The following DEPTOR variants were observed in gnomAD, a reference collection of about 807,000 sequenced individuals.
DEPTOR encodes DEP domain-containing mTOR-interacting protein.
DEPTOR carries 41 observed loss-of-function variants against 41.6 expected under a neutral mutation model. That is an observed-to-expected ratio of 0.98 (90% CI 0.77 to 1.28). The LOEUF is 1.28. Ranked by LOEUF, DEPTOR falls within the 50% of genes most tolerant of loss-of-function variation. DEPTOR has a pLI of 0.00. For missense variants in DEPTOR, 514 were observed against 527.9 expected, an observed-to-expected ratio of 0.97 and a Z score of 0.26; for synonymous variants, 195 against 192.3, an observed-to-expected ratio of 1.01 and a Z score of -0.12.
intron 4 of DEPTOR, among the ~76,000 whole-genome samples, chr8:119,968,408 G>A (rs1273576583): frequency 6.6e-6 from 1 of 151,828 alleles, no homozygotes; most frequent in Admixed American, 6.6e-5. Context: ...CCACTTCCCA[G>A]GTTCAAGGGA....
chr8:119,967,429 T>C (rs1268092018), intron 4 of DEPTOR, among the ~76,000 whole-genome samples: 1 of 151,720 alleles, frequency 6.6e-6, no homozygotes, highest in Non-Finnish European at 1.5e-5. Context: ...GTCAGATAAT[T>C]TCTTTATGGC....
intron 4 of DEPTOR, among the ~76,000 whole-genome samples, chr8:119,985,393 C>T (rs1040022686): frequency 2.6e-5 from 4 of 151,966 alleles, no homozygotes; most frequent in Non-Finnish European, 5.9e-5. Flanking sequence ...ACCTACTTTT[C>T]AATGGGATTG....
intron 4 of DEPTOR, among the ~76,000 whole-genome samples, chr8:119,993,237 C>T (rs1030316015): frequency 2.0e-5 from 3 of 152,138 alleles, no homozygotes; most frequent in East Asian, 1.9e-4. Flanking sequence ...TTAAACCTAA[C>T]GGTGTATAGG....
intron 8 of DEPTOR, among the ~76,000 whole-genome samples, chr8:120,025,951 G>A (rs1483208666): frequency 6.6e-6 from 1 of 150,872 alleles, no homozygotes; most frequent in Non-Finnish European, 1.5e-5. Context: ...TTTAGCTCCT[G>A]AAACCAGTGG....
At chr8:120,046,902 C>T (rs1481152839) in intron 8 of DEPTOR, among the ~76,000 whole-genome samples, 1 of 152,162 alleles carries the variant, frequency 6.6e-6, no homozygotes, top group Non-Finnish European at 1.5e-5. Context: ...AGGACTGTGG[C>T]AAATGAGTGT....
intron 1 of DEPTOR, among the ~76,000 whole-genome samples, chr8:119,914,723 A>G (rs769291457): frequency 4.6e-5 from 7 of 152,232 alleles, no homozygotes; most frequent in Non-Finnish European, 7.3e-5. Context: ...GACAGGCGTG[A>G]GCTTGCCAAT....
intron 1 of DEPTOR, among the ~76,000 whole-genome samples, chr8:119,918,724 G>T (rs973025100): frequency 2.0e-5 from 3 of 152,134 alleles, no homozygotes; most frequent in Admixed American, 2.0e-4. Flanking sequence ...CTCCCAAAGT[G>T]CTGGGATTAT....
chr8:119,902,215 G>A (rs191574478), intron 1 of DEPTOR, among the ~76,000 whole-genome samples: 26 of 152,054 alleles, frequency 1.7e-4, no homozygotes, highest in African/African-American at 5.5e-4. Context: ...TACAAAGATG[G>A]GTATACAATA....
chr8:119,889,630 G>A (rs1586600022), intron 1 of DEPTOR, among the ~76,000 whole-genome samples: 1 of 54,622 alleles, frequency 1.8e-5, no homozygotes. Flanking sequence ...GGGAGGGAAG[G>A]GAAGGGGAGG....
chr8:119,999,728 C>A (rs1812319915), intron 4 of DEPTOR, among the ~76,000 whole-genome samples: 1 of 152,178 alleles, frequency 6.6e-6, no homozygotes, highest in Non-Finnish European at 1.5e-5. Context: ...ACATAAATGG[C>A]AACAGATAGT....
At chr8:120,020,163 C>A (rs1252198642) in intron 8 of DEPTOR, among the ~76,000 whole-genome samples, 2 of 152,198 alleles carry the variant, frequency 1.3e-5, no homozygotes, top group Admixed American at 1.3e-4. Context: ...TCTTGGCTCA[C>A]TGCAACCTCT....
At chr8:119,991,687 A>C (rs1040103671) in intron 4 of DEPTOR, among the ~76,000 whole-genome samples, 1 of 152,148 alleles carries the variant, frequency 6.6e-6, no homozygotes, top group South Asian at 2.1e-4. Flanking sequence ...TGAGAACACG[A>C]GGTATTTGGT....
At chr8:119,971,840 T>A (rs1828637805) in intron 4 of DEPTOR, among the ~76,000 whole-genome samples, 1 of 152,184 alleles carries the variant, frequency 6.6e-6, no homozygotes, top group South Asian at 2.1e-4. Context: ...ATAGGTATAC[T>A]CTGCTTGCTC....
chr8:119,936,914 C>G lies in DEPTOR; in HGVS notation c.425+6976C>G, dbSNP rs192538252. Among the ~76,000 whole-genome samples the G allele has an allele frequency of 7.1e-3, 1,083 of 152,190 alleles. 11 individuals are homozygous for G. Among genetic ancestry groups the G allele is most frequent in the African/African-American group, 0.024 (995 of 41,524 alleles). On this transcript the variant is annotated intron_variant, in intron 3 of 8. Coordinates refer to ENST00000286234, the MANE Select transcript of DEPTOR (RefSeq NM_022783.4). ...TGGTGGGCACCTGTAGTCCCAGCTA[C>G]TTGGGAGGCTGGGGTGGGAGAATTG...
chr8:119,883,967 A>G (rs1234209786), intron 1 of DEPTOR, among the ~76,000 whole-genome samples: 2 of 152,246 alleles, frequency 1.3e-5, no homozygotes, highest in Admixed American at 6.5e-5. Flanking sequence ...CAGTACGCTC[A>G]GTAGCTACTC....
chr8:119,918,199 A>T (rs963958191), intron 1 of DEPTOR, among the ~76,000 whole-genome samples: 1 of 151,874 alleles, frequency 6.6e-6, no homozygotes, highest in Non-Finnish European at 1.5e-5. Flanking sequence ...TTTCTTTTCC[A>T]AGTCTCTCGT....
chr8:120,018,692 A>C (rs893568377), intron 8 of DEPTOR, among the ~76,000 whole-genome samples: 1 of 152,180 alleles, frequency 6.6e-6, no homozygotes, highest in Non-Finnish European at 1.5e-5. Flanking sequence ...GTAGCTTCTC[A>C]GTTAACAGAA....
In DEPTOR at chr8:120,008,443, C is replaced by T. The variant is rs185196140; in HGVS notation, c.997-586C>T. On this transcript the variant is annotated intron_variant, in intron 7 of 8. Coordinates refer to ENST00000286234, the MANE Select transcript of DEPTOR (RefSeq NM_022783.4). ...ACTCAGGAGGCTGAGGCAGGAGAAT[C>T]GCTTGAACCCGGGAGGTGGGGTTGC... is the stretch of plus-strand genomic sequence containing the variant. Among the ~76,000 whole-genome samples, 439 of 147,836 alleles carry T rather than the reference C, an allele frequency of 3.0e-3. 3 individuals are homozygous for T. The highest frequency in any genetic ancestry group is 0.01 in the African/African-American group (421 of 40,422).
rs530762373 is a variant in DEPTOR, at chr8:119,892,341, C to T, written c.122+18373C>T. On this transcript the variant is annotated intron_variant, in intron 1 of 8. Transcript: ENST00000286234. The stretch of plus-strand genomic sequence containing the variant: ...ATCAAGGTGTCAATATTTTTCTCCA[C>T]TATTAATAAGATTAAGCTTATACCT... Among the ~76,000 whole-genome samples, 7 of 152,152 alleles carry T rather than the reference C, an allele frequency of 4.6e-5. 1 individual carries two copies. Among genetic ancestry groups the T allele is most frequent in the Admixed American group, 4.6e-4 (7 of 15,270 alleles).
Sources: gnomAD v4.1 joint callset for allele counts (sites outside exome capture counted in the v4.1 genomes callset) on GRCh38, gnomAD v4.1.1 for gene constraint, MANE v1.5 for transcripts, NCBI Gene and HGNC (gene_info 2026-07-23, HGNC 2026-07-21) for gene names.